The following LIMK2 variants were observed in gnomAD, a reference collection of about 807,000 sequenced individuals.
The protein encoded by LIMK2 is LIM domain kinase 2.
A neutral mutation model predicts 75.7 loss-of-function variants in LIMK2; 35 were observed. The ratio of observed to expected loss-of-function variants is 0.46; its 90% confidence interval spans 0.35 to 0.61. LIMK2 has a LOEUF of 0.61. LIMK2 is among the 20% of genes least tolerant of loss of function. The pLI is 0.00. For synonymous variants in LIMK2, 301 were observed against 319.2 expected, an observed-to-expected ratio of 0.94 and a Z score of 0.61; for missense variants, 623 against 831.0, an observed-to-expected ratio of 0.75 and a Z score of 3.08.
At chr22:31,227,141 G>A (rs1007076654) in intron 2 of LIMK2, among the ~76,000 whole-genome samples, 2 of 152,216 alleles carry the variant, frequency 1.3e-5, no homozygotes, top group Non-Finnish European at 2.9e-5. Flanking sequence ...GTGGGAACTT[G>A]TCTTTATATT....
chr22:31,225,552 A>G (rs1182905517), intron 1 of LIMK2, among the ~76,000 whole-genome samples, 168 bp from the exon 2 acceptor site: 9 of 152,236 alleles, frequency 5.9e-5, no homozygotes, highest in African/African-American at 1.7e-4. Context: ...AGGTTGGACA[A>G]GTGCTTACCA....
rs1401943881 is a variant in LIMK2 at position 31,262,577 on chromosome 22, TA to T, written c.658-17del. On this transcript the variant is annotated splice_polypyrimidine_tract_variant and intron_variant, in intron 6 of 15. Transcript: ENST00000331728. This position sits in a 1 kb window ranked among gnomAD's most constrained non-coding sequence, Gnocchi z 5.0. The stretch of plus-strand genomic sequence containing the variant: ...GATGGGGCAGCCTGTGGGAGCTTTA[TA>T]CTGCTCTTGGCCACAGGTGGAGGAT... The T allele has an allele frequency of 6.2e-7, 1 of 1,602,102 alleles. No individual in the cohort carries two copies. The highest frequency in any genetic ancestry group is 2.2e-5 in the East Asian group (1 of 44,748).
In LIMK2 at chr22:31,212,397, G is replaced by A. The variant is rs1293403639; in HGVS notation, c.-12G>A. 1.5e-6 allele frequency: 2 copies of A among 1,339,188 alleles called. No individual in the cohort carries two copies. The highest frequency in any genetic ancestry group is 2.9e-5 in the Admixed American group (1 of 34,540). 83.0% of individuals were successfully genotyped at this position (1,339,188 alleles called of 1,614,324 possible). ...CCCGCCTCCTCCTCCCCATTTCCGC[G>A]CTCCCGGGACCATGTCCGCGCTGGC... On this transcript the variant is annotated 5_prime_UTR_variant, in exon 1 of 16. Coordinates refer to ENST00000331728, the MANE Select transcript of LIMK2 (RefSeq NM_005569.4).
At chr22:31,277,018 G>T in intron 15 of LIMK2, 1 of 1,613,984 alleles carries the variant, frequency 6.2e-7, no homozygotes, top group Non-Finnish European at 8.5e-7. Context: ...GAGTGACGAT[G>T]CCTGGGCTTC....
chr22:31,261,596 T>C (rs1360711662), intron 5 of LIMK2, among the ~76,000 whole-genome samples: 1 of 147,092 alleles, frequency 6.8e-6, no homozygotes, highest in African/African-American at 2.5e-5. Context: ...CAAAACCCCA[T>C]CTCTACAAAA....
In LIMK2 at chr22:31,262,705, C is replaced by T. The variant is rs772132315; in HGVS notation, c.768C>T (p.His256=). Residue 256 remains histidine (H), a synonymous_variant, in exon 7 of 16, where the codon CAC becomes CAT. Transcript: ENST00000331728. This position sits in a 1 kb window ranked among gnomAD's most constrained non-coding sequence, Gnocchi z 5.0. ...QLRLEARLAP[H]MQNAGHPHAL... The stretch of plus-strand genomic sequence containing the variant: ...GGCTGGAGGCCCGGCTCGCTCCTCA[C>T]ATGCAGAATGCCGGACACCCCCACG... 6 of 1,614,206 alleles carry T rather than the reference C, an allele frequency of 3.7e-6. No individual in the cohort carries two copies. Among genetic ancestry groups the T allele is most frequent in the Middle Eastern group, 3.3e-4 (2 of 6,062 alleles).
intron 2 of LIMK2, among the ~76,000 whole-genome samples, chr22:31,252,992 C>T (rs1005641831): frequency 7.9e-5 from 12 of 152,214 alleles, no homozygotes; most frequent in African/African-American, 2.7e-4. Context: ...CAAAAGGTCT[C>T]TGTGTGGATC....
chr22:31,241,496 C>T (rs116079791), intron 2 of LIMK2, among the ~76,000 whole-genome samples: 108 of 152,298 alleles, frequency 7.1e-4, no homozygotes, highest in Middle Eastern at 3.4e-3. Context: ...TCCTACATCT[C>T]CTGCAGGTGC....
At chr22:31,233,035 T>C (rs771954099) in intron 2 of LIMK2, among the ~76,000 whole-genome samples, 5 of 152,204 alleles carry the variant, frequency 3.3e-5, no homozygotes, top group Non-Finnish European at 7.3e-5. Flanking sequence ...GAATAACAGC[T>C]TCATCAGTCT....
In LIMK2 at chr22:31,262,472, C is replaced by A; in HGVS notation, c.658-123C>A. On this transcript the variant is annotated intron_variant, in intron 6 of 15. Transcript: ENST00000331728. The surrounding 1 kb of genome is among the most constrained non-coding windows in gnomAD (Gnocchi z 5.0). ...GCAGAGGGCACTGTGAGGCCACTGG[C>A]AGCTAAAGGCCACCATTAGACAAGT... 3 of 973,166 alleles carry A rather than the reference C, an allele frequency of 3.1e-6. No individual in the cohort carries two copies. The highest frequency in any genetic ancestry group is 3.1e-6 in the Non-Finnish European group (2 of 638,948). The allele number at this position is 973,166 out of a possible 1,614,324, so 60.3% of individuals were successfully genotyped here.
intron 2 of LIMK2, among the ~76,000 whole-genome samples, chr22:31,237,519 G>A (rs2048589330): frequency 1.3e-5 from 2 of 150,730 alleles, no homozygotes. Context: ...TGCTGAGATC[G>A]CGCCACTGCC....
chr22:31,257,553 A>C (rs755498919), intron 2 of LIMK2, among the ~76,000 whole-genome samples: 6 of 152,190 alleles, frequency 3.9e-5, no homozygotes, highest in Non-Finnish European at 7.3e-5. Context: ...ATATAATATT[A>C]TAGTCCAAAT....
At chr22:31,220,596 T>C (rs1474244021) in intron 1 of LIMK2, among the ~76,000 whole-genome samples, 2 of 152,156 alleles carry the variant, frequency 1.3e-5, no homozygotes, top group African/African-American at 4.8e-5. Flanking sequence ...AAATAACAAA[T>C]TATGTAAAAT....
At chr22:31,221,351 C>G (rs959383048) in intron 1 of LIMK2, among the ~76,000 whole-genome samples, 1 of 150,880 alleles carries the variant, frequency 6.6e-6, no homozygotes, top group Non-Finnish European at 1.5e-5. Flanking sequence ...TTTTTTGCCC[C>G]GTTAATTTGT....
chr22:31,246,772 C>CAAAAAAAAAAAAAAAAAAAAA (rs74782124), intron 2 of LIMK2, among the ~76,000 whole-genome samples: 1 of 120,288 alleles, frequency 8.3e-6, no homozygotes. Flanking sequence ...AAAAAAAAAA[C>CAAAAAAAAAAAAAAAAAAAAA]AAAAAAAAAA....
intron 13 of LIMK2, 48 bp downstream of exon 13, chr22:31,272,752 G>A: frequency 6.5e-7 from 1 of 1,529,892 alleles, no homozygotes; most frequent in South Asian, 1.3e-5. Flanking sequence ...GAGGACAGAT[G>A]CTGCCCTTGC....
At chr22:31,257,221 C>T (rs535981146) in intron 2 of LIMK2, among the ~76,000 whole-genome samples, 1 of 151,830 alleles carries the variant, frequency 6.6e-6, no homozygotes, top group South Asian at 2.1e-4. Context: ...ACATCTTACA[C>T]AGTGCTAATA....
chr22:31,218,765 C>T (rs1398632131), intron 1 of LIMK2, among the ~76,000 whole-genome samples: 1 of 152,148 alleles, frequency 6.6e-6, no homozygotes, highest in Non-Finnish European at 1.5e-5. Flanking sequence ...TACACCTGAC[C>T]CGCCAGTTCC....
chr22:31,267,124 A>G (rs2048904050), intron 9 of LIMK2, 54 bp downstream of exon 9: 2 of 997,036 alleles, frequency 2.0e-6, no homozygotes, highest in Non-Finnish European at 3.1e-6. Context: ...AAGAGAGAAG[A>G]CCTTACAAAT....
Sources: gnomAD v4.1 joint callset for allele counts (sites outside exome capture counted in the v4.1 genomes callset) on GRCh38, gnomAD v4.1.1 for gene constraint, Gnocchi (gnomAD v3.1) non-coding constraint, MANE v1.5 for transcripts, NCBI Gene and HGNC (gene_info 2026-07-23, HGNC 2026-07-21) for gene names.